The following AMOTL1 variants were observed in gnomAD, a reference collection of about 807,000 sequenced individuals.
AMOTL1 encodes the protein angiomotin like 1.
Under a neutral mutation model 102.9 loss-of-function variants are expected in AMOTL1, and 45 were observed. The observed-to-expected ratio is 0.44, with a 90% CI of 0.34 to 0.56. The LOEUF (loss-of-function observed/expected upper bound fraction) is 0.56. AMOTL1 is among the 20% of genes least tolerant of loss of function. The pLI is 0.01. For missense variants in AMOTL1, 1,114 were observed against 1,225.6 expected (o/e 0.91, Z 1.36); for synonymous variants, 481 against 484.7 (o/e 0.99, Z 0.10).
chr11:94,871,935 T>A lies in AMOTL1; in HGVS notation c.*1140T>A, dbSNP rs1565391873. On this transcript the variant is annotated 3_prime_UTR_variant, in exon 13 of 13. Coordinates refer to ENST00000433060, the MANE Select transcript of AMOTL1 (RefSeq NM_130847.3). ...AATCTCACCAGCCTCCCGTATAGCT[T>A]CTTGTATTGAGGCTCATGAGCGTAT... The A allele has an allele frequency of 6.6e-6, 1 of 151,730 alleles. No homozygotes were observed. Among genetic ancestry groups the A allele is most frequent in the Non-Finnish European group, 1.5e-5 (1 of 67,972 alleles). The allele number at this position is 151,730 out of a possible 1,614,324, so 9.4% of individuals were successfully genotyped here.
chr11:94,806,308 A>G (rs569352039), intron 3 of AMOTL1, among the ~76,000 whole-genome samples: 1 of 152,370 alleles, frequency 6.6e-6, no homozygotes, highest in South Asian at 2.1e-4. Flanking sequence ...AATGTGCCAT[A>G]TTACAAGAAA....
At chr11:94,812,580 C>T (rs1266363151) in intron 3 of AMOTL1, among the ~76,000 whole-genome samples, 92 of 151,694 alleles carry the variant, frequency 6.1e-4, no homozygotes, top group Non-Finnish European at 9.3e-4. Context: ...TAAGGAATTT[C>T]CTTGTGGGCA....
chr11:94,725,810 A>G (rs534013332), intron 1 of AMOTL1, among the ~76,000 whole-genome samples: 1 of 152,270 alleles, frequency 6.6e-6, no homozygotes, highest in Admixed American at 6.5e-5. Flanking sequence ...GCCTTGTAAT[A>G]ATTGAGCATT....
chr11:94,767,731 G>A (rs1219120486), upstream of AMOTL1, among the ~76,000 whole-genome samples: 1 of 151,862 alleles, frequency 6.6e-6, no homozygotes, highest in Non-Finnish European at 1.5e-5. Flanking sequence ...CATTTTCCCA[G>A]AGTCGCTTAC....
In AMOTL1 at chr11:94,799,241, C is replaced by G; in HGVS notation, c.200-149C>G. Reference sequence around the variant, plus strand: ...AATTGGAGAAGAAAATTCCATGAGACATTGCCAGGTAAATGGAGGTGATGA... The same window carrying G: ...AATTGGAGAAGAAAATTCCATGAGAGATTGCCAGGTAAATGGAGGTGATGA... On this transcript the variant is annotated intron_variant, in intron 2 of 12. Coordinates refer to ENST00000433060, the MANE Select transcript of AMOTL1 (RefSeq NM_130847.3). The surrounding 1 kb of genome is among the most constrained non-coding windows in gnomAD (Gnocchi z 4.5). 1.4e-6 allele frequency: 1 copy of G among 693,052 alleles called. No individual in the cohort carries two copies. 42.9% of individuals were successfully genotyped at this position (693,052 alleles called of 1,614,324 possible). A position where few individuals can be genotyped will look rare whatever the true frequency, so the allele number is the denominator to read the frequency against.
intron 2 of AMOTL1, among the ~76,000 whole-genome samples, chr11:94,739,366 G>T (rs975222227): frequency 6.6e-6 from 1 of 152,200 alleles, no homozygotes; most frequent in Non-Finnish European, 1.5e-5. Flanking sequence ...AAAAGAAGAG[G>T]TTGGAGAGAT....
chr11:94,779,632 C>A (rs954391286), intron 1 of AMOTL1, among the ~76,000 whole-genome samples: 5 of 152,052 alleles, frequency 3.3e-5, no homozygotes, highest in Non-Finnish European at 7.4e-5. Context: ...TACCGTGAGA[C>A]CCCTGGGCAC....
At chr11:94,768,327 G>C (rs1048214936), upstream of AMOTL1, 55 of 1,361,640 alleles carry the variant, frequency 4.0e-5, no homozygotes, top group Non-Finnish European at 4.9e-5. Context: ...GCCCGCGCGC[G>C]GGGAGCGGGG....
intron 2 of AMOTL1, among the ~76,000 whole-genome samples, chr11:94,729,846 C>T (rs1288967601): frequency 6.6e-6 from 1 of 152,134 alleles, no homozygotes; most frequent in African/African-American, 2.4e-5. Context: ...ACTAGTAATA[C>T]AAGAACGAGA....
intron 9 of AMOTL1, 61 bp downstream of exon 9, chr11:94,859,776 A>C: frequency 2.0e-6 from 3 of 1,496,056 alleles, no homozygotes; most frequent in Non-Finnish European, 2.7e-6. Flanking sequence ...AAACAAAACA[A>C]ACAGGCTATC....
At chr11:94,845,671 G>T (rs1952397044) in intron 6 of AMOTL1, among the ~76,000 whole-genome samples, 1 of 152,192 alleles carries the variant, frequency 6.6e-6, no homozygotes, top group South Asian at 2.1e-4. Context: ...TGTGTCCAAG[G>T]TGAGCTGCTA....
intron 3 of AMOTL1, among the ~76,000 whole-genome samples, chr11:94,805,157 G>T (rs1951547245): frequency 6.6e-6 from 1 of 152,202 alleles, no homozygotes; most frequent in South Asian, 2.1e-4. Context: ...TTCACTTGGG[G>T]TCACTAAATC....
intron 4 of AMOTL1, among the ~76,000 whole-genome samples, chr11:94,828,673 C>T (rs1025486615): frequency 6.6e-6 from 1 of 152,204 alleles, no homozygotes; most frequent in African/African-American, 2.4e-5. Flanking sequence ...TCTGGAAAAA[C>T]ACCTGACATG....
chr11:94,743,852 T>C (rs1373614599), intron 3 of AMOTL1, among the ~76,000 whole-genome samples: 1 of 151,626 alleles, frequency 6.6e-6, no homozygotes, highest in Non-Finnish European at 1.5e-5. Context: ...AGAGACAGGG[T>C]TTTGCCATGT....
intron 3 of AMOTL1, among the ~76,000 whole-genome samples, chr11:94,745,357 A>G (rs920846547): frequency 2.0e-5 from 3 of 151,126 alleles, no homozygotes; most frequent in African/African-American, 7.3e-5. Flanking sequence ...TCCCACAACC[A>G]GCCCCCAACC....
chr11:94,747,682 C>T (rs955632966), intron 3 of AMOTL1, among the ~76,000 whole-genome samples: 1 of 152,170 alleles, frequency 6.6e-6, no homozygotes, highest in Non-Finnish European at 1.5e-5. Flanking sequence ...AGGAAGACTG[C>T]GTTTCGTGCT....
intron 6 of AMOTL1, among the ~76,000 whole-genome samples, chr11:94,836,996 A>G (rs1418030550): frequency 2.5e-5 from 3 of 121,654 alleles, no homozygotes; most frequent in African/African-American, 9.3e-5. Flanking sequence ...CATGCTGGAC[A>G]CTGCAGATCT....
intron 3 of AMOTL1, among the ~76,000 whole-genome samples, chr11:94,749,100 T>G (rs1950621474): frequency 6.6e-6 from 1 of 152,208 alleles, no homozygotes. Context: ...AGAAGTCCCG[T>G]GACAGGCTGT....
chr11:94,800,289 C>T lies in AMOTL1; in HGVS notation c.1099C>T (p.Pro367Ser). Reference sequence around the variant, plus strand: ...TGTGGCCGTCCTGCGGTACCAGCCACCCCCTGAGTATGGGGTAACGAGGTG... The same window carrying T: ...TGTGGCCGTCCTGCGGTACCAGCCATCCCCTGAGTATGGGGTAACGAGGTG... ...TDVAVLRYQP[P>S]PEYGVTSRPC... The change falls in exon 3 of 13, where the codon CCC becomes TCC. Residue 367 changes from proline to serine, a missense_variant. Physicochemically the swap from Pro to Ser is moderately conservative, Grantham distance 74. Coordinates refer to ENST00000433060, the MANE Select transcript of AMOTL1 (RefSeq NM_130847.3). 1.2e-6 allele frequency: 2 copies of T among 1,609,120 alleles called. No individual in the cohort carries two copies. Among genetic ancestry groups the T allele is most frequent in the Non-Finnish European group, 1.7e-6 (2 of 1,177,762 alleles).
Sources: allele counts gnomAD v4.1 joint callset (sites outside exome capture counted in the v4.1 genomes callset), GRCh38; gene constraint gnomAD v4.1.1; non-coding constraint Gnocchi (gnomAD v3.1); transcripts MANE v1.5; gene names NCBI Gene and HGNC (gene_info 2026-07-23, HGNC 2026-07-21).